Variants in DACH2 observed in about 807,000 individuals in gnomAD.
DACH2 encodes dachshund family transcription factor 2.
In DACH2, 17 loss-of-function variants were observed where a neutral mutation model predicts 35.8. The observed-to-expected ratio is 0.48, with a 90% confidence interval of 0.33 to 0.71. DACH2 has a LOEUF of 0.71. DACH2 is among the 30% of genes least tolerant of loss of function. The probability of loss-of-function intolerance (pLI) is 0.02; values close to 1 mark genes in which losing one functional copy is unlikely to be tolerated. For missense variants in DACH2, 469 were observed against 472.7 expected (o/e 0.99, Z 0.07); for synonymous variants, 195 against 177.3 (o/e 1.10, Z -0.79).
At chrX:86,813,066 A>C (rs1297659886) in intron 8 of DACH2, 62 bp downstream of exon 8, 1 of 1,144,876 alleles carries the variant, frequency 8.7e-7, no homozygotes, top group Non-Finnish European at 1.2e-6. Flanking sequence ...TACATATATT[A>C]TTTTATATTT....
intron 1 of DACH2, among the ~76,000 whole-genome samples, chrX:86,312,893 T>C: frequency 9.0e-6 from 1 of 111,550 alleles, no homozygotes; most frequent in Non-Finnish European, 1.9e-5. Flanking sequence ...TAGTGATTAC[T>C]AGAAACTGGT....
intron 1 of DACH2, among the ~76,000 whole-genome samples, chrX:86,347,899 T>G (rs2035524179): frequency 8.9e-6 from 1 of 112,151 alleles, no homozygotes; most frequent in African/African-American, 3.2e-5. Flanking sequence ...TCCTTATCAT[T>G]TATAAACTTT....
chrX:86,166,092 C>CT (rs1054709715), intron 1 of DACH2, among the ~76,000 whole-genome samples: 1 of 111,257 alleles, frequency 9.0e-6, no homozygotes, highest in Non-Finnish European at 1.9e-5. Flanking sequence ...AAGAGATCGT[C>CT]TTTTCCCCAG....
chrX:86,209,799 A>G (rs752682042), intron 1 of DACH2, among the ~76,000 whole-genome samples: 1 of 111,153 alleles, frequency 9.0e-6, no homozygotes, highest in African/African-American at 3.3e-5. Flanking sequence ...AATATATTCA[A>G]ACTTTGGCCT....
At chrX:86,345,922 TA>T (rs1294801378) in intron 1 of DACH2, among the ~76,000 whole-genome samples, 35 of 112,323 alleles carry the variant, frequency 3.1e-4, no homozygotes, top group Non-Finnish European at 5.8e-4. Context: ...ATTGCATGAT[TA>T]AAAGCAAGTA....
chrX:86,688,449 A>C (rs953485507), intron 4 of DACH2, among the ~76,000 whole-genome samples: 1 of 111,890 alleles, frequency 8.9e-6, no homozygotes, highest in African/African-American at 3.2e-5. Context: ...AACCCAGTGT[A>C]AAGTCAATTC....
At chrX:86,506,672 G>T (rs749062932) in intron 2 of DACH2, among the ~76,000 whole-genome samples, 1 of 111,754 alleles carries the variant, frequency 8.9e-6, no homozygotes, top group Non-Finnish European at 1.9e-5. Flanking sequence ...TGGGTTATAG[G>T]CATGAACCAC....
chrX:86,161,069 A>C, intron 1 of DACH2: 3 of 1,070,728 alleles, frequency 2.8e-6, no homozygotes, highest in Non-Finnish European at 3.9e-6. Context: ...CATCATTCCA[A>C]CCAGAAATTG....
At chrX:86,499,179 A>G (rs2038214733) in intron 2 of DACH2, among the ~76,000 whole-genome samples, 2 of 112,268 alleles carry the variant, frequency 1.8e-5, no homozygotes, top group South Asian at 7.3e-4. Context: ...AAATAAGGAA[A>G]TTGTTGCTTG....
intron 10 of DACH2, 91 bp from the exon 11 acceptor site, chrX:86,815,943 G>C: frequency 1.4e-6 from 1 of 698,753 alleles, no homozygotes; most frequent in Non-Finnish European, 2.0e-6. Context: ...GTTATCTATA[G>C]GACCAAAGTA....
intron 2 of DACH2, among the ~76,000 whole-genome samples, chrX:86,451,739 G>A (rs959115164): frequency 1.8e-5 from 2 of 110,779 alleles, no homozygotes; most frequent in Admixed American, 9.7e-5. Flanking sequence ...TTTTTGAGCC[G>A]TGGTTTGTAG....
At chrX:86,564,624 T>C (rs1031640529) in intron 3 of DACH2, among the ~76,000 whole-genome samples, 2 of 111,334 alleles carry the variant, frequency 1.8e-5, no homozygotes, top group Non-Finnish European at 3.8e-5. Flanking sequence ...TGTGGCCACA[T>C]TGACAGTAAA....
chrX:86,718,333 G>A (rs2041361286), intron 6 of DACH2, among the ~76,000 whole-genome samples: 1 of 110,982 alleles, frequency 9.0e-6, no homozygotes, highest in African/African-American at 3.3e-5. Context: ...ATTATTTTGA[G>A]TTTTCTTTTT....
chrX:86,295,359 A>C (rs1408535924), intron 1 of DACH2, among the ~76,000 whole-genome samples: 1 of 112,084 alleles, frequency 8.9e-6, no homozygotes, highest in Non-Finnish European at 1.9e-5. Flanking sequence ...TCAGATGGAA[A>C]TGCAGAAATC....
chrX:86,154,908 A>G (rs1160555443), intron 1 of DACH2, among the ~76,000 whole-genome samples: 2 of 111,751 alleles, frequency 1.8e-5, no homozygotes, highest in Admixed American at 1.9e-4. Flanking sequence ...TTTGAGAATC[A>G]GAGAAAAATA....
intron 11 of DACH2, chrX:86,831,139 G>T (rs899524649): frequency 9.0e-6 from 1 of 110,814 alleles, no homozygotes; most frequent in African/African-American, 3.3e-5. Context: ...CACTCACCAT[G>T]ATACCTTATA....
chrX:86,539,667 G>T (rs2038853920), intron 3 of DACH2, among the ~76,000 whole-genome samples: 1 of 111,615 alleles, frequency 9.0e-6, no homozygotes, highest in African/African-American at 3.3e-5. Flanking sequence ...GGCACAAAAT[G>T]AATGCTATAC....
At chrX:86,570,597 G>A (rs2039353700) in intron 3 of DACH2, among the ~76,000 whole-genome samples, 1 of 110,400 alleles carries the variant, frequency 9.1e-6, no homozygotes, top group South Asian at 3.9e-4. Flanking sequence ...GGGGGAGGGT[G>A]AAGCGGGAGA....
chrX:86,610,766 G>A (rs1359182499), intron 3 of DACH2, among the ~76,000 whole-genome samples: 7 of 110,343 alleles, frequency 6.3e-5, no homozygotes, highest in African/African-American at 2.0e-4. Context: ...TCTTAAGTTA[G>A]TTTTGGTGAA....
Sources: gnomAD v4.1 joint callset for allele counts (sites outside exome capture counted in the v4.1 genomes callset) on GRCh38, gnomAD v4.1.1 for gene constraint, MANE v1.5 for transcripts, NCBI Gene and HGNC (gene_info 2026-07-23, HGNC 2026-07-21) for gene names.